Variants in SLC48A1 observed in about 807,000 individuals in gnomAD.
The protein encoded by SLC48A1 is heme transporter HRG1.
SLC48A1 carries 6 observed loss-of-function variants against 14.8 expected under a neutral mutation model. That is an observed-to-expected ratio of 0.41 (90% CI 0.22 to 0.80). The LOEUF is 0.80. SLC48A1 is among the 30% of genes least tolerant of loss of function. The pLI, the probability that SLC48A1 is intolerant of heterozygous loss-of-function variation, is 0.34. For missense variants in SLC48A1, 165 were observed against 204.8 expected (o/e 0.81, Z 1.19); for synonymous variants, 89 against 90.0 (o/e 0.99, Z 0.06).
intron 1 of SLC48A1, 189 bp from the exon 2 acceptor site, chr12:47,778,839 T>C: frequency 1.9e-6 from 1 of 518,020 alleles, no homozygotes. Context: ...AATGTTGGGC[T>C]TACTAGCAGG....
chr12:47,760,824 C>T (rs1409620406), intron 2 of SLC48A1, among the ~76,000 whole-genome samples: 3 of 152,198 alleles, frequency 2.0e-5, no homozygotes, highest in African/African-American at 7.2e-5. Context: ...CACGTACTCA[C>T]CATGGTATAC....
At chr12:47,776,020 A>G (rs945795983) in intron 1 of SLC48A1, among the ~76,000 whole-genome samples, 4 of 152,182 alleles carry the variant, frequency 2.6e-5, no homozygotes, top group Admixed American at 1.3e-4. Flanking sequence ...TTGCTCCTGA[A>G]GTCTAAACAG....
chr12:47,779,677 C>T (rs1942824778), intron 2 of SLC48A1, among the ~76,000 whole-genome samples: 1 of 152,184 alleles, frequency 6.6e-6, no homozygotes, highest in South Asian at 2.1e-4. Context: ...CTAAAACGGT[C>T]CCCAGCTCCG....
chr12:47,780,086 G>A (rs551890089), intron 2 of SLC48A1, 59 bp from the exon 3 acceptor site: 45 of 1,466,432 alleles, frequency 3.1e-5, no homozygotes, highest in South Asian at 8.5e-5. Context: ...CCTTGTGGCC[G>A]GTGCAGAGGC....
chr12:47,773,171 TG>T, upstream of SLC48A1: 1 of 984,726 alleles, frequency 1.0e-6, no homozygotes, highest in African/African-American at 1.8e-5. Context: ...CGGGCGGCGC[TG>T]GGGGCGGGCC....
chr12:47,758,431 C>T (rs1942235095), upstream of SLC48A1: 1 of 1,560,638 alleles, frequency 6.4e-7, no homozygotes, highest in Admixed American at 1.9e-5. Context: ...CGGCTTAAAC[C>T]CTTCTCCTCT....
chr12:47,764,256 C>T (rs1387974331), intron 2 of SLC48A1, among the ~76,000 whole-genome samples: 1 of 152,114 alleles, frequency 6.6e-6, no homozygotes, highest in African/African-American at 2.4e-5. Flanking sequence ...CAGTTGTGGC[C>T]ACTTTCCCTA....
At chr12:47,758,695 A>G (rs1942254738) in intron 1 of SLC48A1, 1 of 1,428,910 alleles carries the variant, frequency 7.0e-7, no homozygotes, top group African/African-American at 1.4e-5. Context: ...GCCAGTGCCT[A>G]GCTGGACTGG....
upstream of SLC48A1, chr12:47,758,297 G>T (rs971601568): frequency 2.3e-5 from 33 of 1,432,120 alleles, no homozygotes; most frequent in Non-Finnish European, 2.7e-5. Context: ...TCTTGGAAAA[G>T]ATCAGGCCCT....
chr12:47,778,853 C>A, intron 1 of SLC48A1, 175 bp from the exon 2 acceptor site: 1 of 611,058 alleles, frequency 1.6e-6, no homozygotes, highest in Non-Finnish European at 2.6e-6. Flanking sequence ...TAGCAGGCAG[C>A]TCAGTCTCTT....
chr12:47,758,423 GCT>G (rs554156289), upstream of SLC48A1: 350 of 1,555,594 alleles, frequency 2.2e-4, 1 homozygote, highest in African/African-American at 3.8e-3. Flanking sequence ...TGCAGCTTCG[GCT>G]TAAACCCTTC....
At position 47,780,266 on chromosome 12, in the gene SLC48A1, C is replaced by T. The variant is rs1390515362; in HGVS notation, c.426C>T (p.Ile142=). Residue 142 remains isoleucine, a synonymous_variant, in exon 3 of 3, where the codon ATC becomes ATT. Coordinates refer to ENST00000442218, the MANE Select transcript of SLC48A1 (RefSeq NM_017842.3). ...GGGCTGACTTTGCTGACATCAGCAT[C>T]CTCAGCGATTTCTGACCCAGGGGGT... ...RYRADFADIS[I]LSDF 6 of 1,614,260 alleles carry T rather than the reference C, an allele frequency of 3.7e-6. No individual in the cohort carries two copies. Among genetic ancestry groups the T allele is most frequent in the Middle Eastern group, 1.6e-4 (1 of 6,062 alleles).
At chr12:47,759,829 C>T (rs1368385614) in intron 1 of SLC48A1, among the ~76,000 whole-genome samples, 1 of 152,228 alleles carries the variant, frequency 6.6e-6, no homozygotes, top group Non-Finnish European at 1.5e-5. Context: ...CTTTTTGCCC[C>T]TTCTCTTCCC....
intron 1 of SLC48A1, 139 bp downstream of exon 1, chr12:47,773,579 C>A: frequency 8.3e-7 from 1 of 1,205,502 alleles, no homozygotes; most frequent in Non-Finnish European, 1.0e-6. Context: ...CGGTTGGCGG[C>A]GGCAGGCCCC....
chr12:47,779,907 C>T (rs1472377505), intron 2 of SLC48A1, among the ~76,000 whole-genome samples: 1 of 152,250 alleles, frequency 6.6e-6, no homozygotes, highest in Non-Finnish European at 1.5e-5. Flanking sequence ...AGTTTCATCC[C>T]CAAACCATCC....
intron 1 of SLC48A1, among the ~76,000 whole-genome samples, chr12:47,776,120 A>G (rs1942746972): frequency 6.6e-6 from 1 of 152,210 alleles, no homozygotes; most frequent in East Asian, 1.9e-4. Flanking sequence ...GGCCTGACCT[A>G]GGCCCAGTGT....
chr12:47,765,774 C>T (rs1942503444), intron 2 of SLC48A1, among the ~76,000 whole-genome samples: 4 of 152,226 alleles, frequency 2.6e-5, no homozygotes, highest in Non-Finnish European at 4.4e-5. Context: ...TGTTAGCTGC[C>T]GGAGGGTGAG....
At chr12:47,778,938 T>G in intron 1 of SLC48A1, 90 bp from the exon 2 acceptor site, 1 of 1,354,234 alleles carries the variant, frequency 7.4e-7, no homozygotes, top group Non-Finnish European at 9.9e-7. Flanking sequence ...GACCATATTC[T>G]TGGTATTCTT....
rs1365677655 is a variant in SLC48A1 at position 47,780,219 on chromosome 12, A to G, written c.379A>G (p.Ser127Gly). The G allele has an allele frequency of 6.2e-7, 1 of 1,614,056 alleles. No individual in the cohort carries two copies. The highest frequency in any genetic ancestry group is 2.2e-5 in the East Asian group (1 of 44,894). The change falls in exon 3 of 3, where the codon AGC (serine) becomes GGC (glycine). Residue 127 changes from serine (S) to glycine (G), a missense_variant. Physicochemically the swap from Ser to Gly is moderately conservative, Grantham distance 56 (BLOSUM62 0). Coordinates refer to ENST00000442218, the MANE Select transcript of SLC48A1 (RefSeq NM_017842.3). ...FISFKWAFLL[S>G]LYAHRYRADF... ...TTCCTTCAAGTGGGCCTTCCTGCTC[A>G]GCCTCTATGCCCACCGCTACCGGGC...
Sources: gnomAD v4.1 joint callset for allele counts (sites outside exome capture counted in the v4.1 genomes callset) on GRCh38, gnomAD v4.1.1 for gene constraint, MANE v1.5 for transcripts, NCBI Gene and HGNC (gene_info 2026-07-23, HGNC 2026-07-21) for gene names.